The following C22orf23 variants were observed in gnomAD, a reference collection of about 807,000 sequenced individuals.
C22orf23 encodes the protein UPF0193 protein EVG1.
In C22orf23, 30 loss-of-function variants were observed where a neutral mutation model predicts 29.7. That is an observed-to-expected ratio of 1.01 (90% CI 0.76 to 1.37). The LOEUF (loss-of-function observed/expected upper bound fraction) is 1.37. Ranked by LOEUF, C22orf23 falls within the 40% of genes most tolerant of loss-of-function variation. The probability of loss-of-function intolerance (pLI) is 0.00; values close to 1 mark genes in which losing one functional copy is unlikely to be tolerated. For missense variants in C22orf23, 237 were observed against 273.1 expected (o/e 0.87, Z 0.93); for synonymous variants, 90 against 96.1 (o/e 0.94, Z 0.37).
chr22:37,945,055 G>T lies in C22orf23; in HGVS notation c.468C>A (p.Asp156Glu). Residue 156 changes from aspartate to glutamate, a missense_variant, in exon 5 of 7, where the codon GAC (aspartate) becomes GAA (glutamate). Asp to Glu is a conservative substitution (Grantham distance 45, BLOSUM62 2). Transcript: ENST00000403305. ...ARQKAPAPEL[D>E]RFEELVKEIQ... is the part of the protein sequence containing the mutation. ...TCGGAGTCTTACGCTCTTCAAATCG[G>T]TCTAGCTCAGGGGCTGGAGCCTTCT... 6.2e-7 allele frequency: 1 copy of T among 1,610,312 alleles called. No individual in the cohort carries two copies. Among genetic ancestry groups the T allele is most frequent in the Non-Finnish European group, 8.5e-7 (1 of 1,178,722 alleles).
In C22orf23 at chr22:37,951,797, CTTTTTTTTTTTTTTTTTT is replaced by C. The variant is rs551481283; in HGVS notation, c.104-293_104-276del. On this transcript the variant is annotated intron_variant, in intron 2 of 6. Transcript: ENST00000403305. ...CTGTTAAATATTTTTTCCTCTTTCT[CTTTTTTTTTTTTTTTTTT>C]TTTTTTTTTTTTTTTTTGAGATGGA... is the stretch of plus-strand genomic sequence containing the variant. 3.1e-3 allele frequency: 121 copies of C among 38,776 alleles called. 2 individuals carry two copies. Among genetic ancestry groups the C allele is most frequent in the South Asian group, 9.5e-3 (8 of 846 alleles). 2.4% of individuals were successfully genotyped at this position (38,776 alleles called of 1,614,324 possible).
Position 37,947,460 on chromosome 22 carries a change from C to G in C22orf23, c.170G>C (p.Gly57Ala). Residue 57 changes from glycine (G) to alanine (A), a missense_variant, in exon 4 of 7, where the codon GGA (glycine) becomes GCA (alanine). Physicochemically the swap from Gly to Ala is moderately conservative, Grantham distance 60 (BLOSUM62 0). Coordinates refer to ENST00000403305, the MANE Select transcript of C22orf23 (RefSeq NM_032561.5). ...QRHIMDIMKR[G>A]DALPLQCSPT... Reference sequence around the variant, plus strand: ...GCTGCACTGTAGGGGCAAAGCATCTCCTCCTGGGGAACGAAGAGTTGGGGT... The same window carrying G: ...GCTGCACTGTAGGGGCAAAGCATCTGCTCCTGGGGAACGAAGAGTTGGGGT... 6.5e-7 allele frequency: 1 copy of G among 1,546,814 alleles called. No individual in the cohort carries two copies. Among genetic ancestry groups the G allele is most frequent in the African/African-American group, 1.4e-5 (1 of 70,494 alleles).
chr22:37,947,168 G>A (rs1930745141), intron 4 of C22orf23, 113 bp downstream of exon 4: 4 of 1,120,410 alleles, frequency 3.6e-6, no homozygotes, highest in Non-Finnish European at 5.3e-6. Context: ...GGTACAAAGT[G>A]CATGGGGATT....
rs893933386 is a variant in C22orf23, at chr22:37,944,043, G to A, written c.*132C>T. ...GCTGAGTATGCCTTGGGGTACTGCA[G>A]GGCAGTGCTATGCCACCACCTGACG... On this transcript the variant is annotated 3_prime_UTR_variant, in exon 7 of 7. Coordinates refer to ENST00000403305, the MANE Select transcript of C22orf23 (RefSeq NM_032561.5). The A allele has an allele frequency of 2.2e-5, 18 of 823,604 alleles. No homozygotes were observed. The African/African-American group carries it at 3.0e-4, about 14-fold the overall frequency. The allele number at this position is 823,604 out of a possible 1,614,324, so 51.0% of individuals were successfully genotyped here.
chr22:37,944,620 G>A (rs1930582603), intron 5 of C22orf23, 103 bp from the exon 6 acceptor site: 4 of 1,040,752 alleles, frequency 3.8e-6, no homozygotes, highest in Non-Finnish European at 5.7e-6. Context: ...GTGTTTCTAG[G>A]CCGGGCGCGG....
Position 37,944,240 on chromosome 22 carries a change from G to C in C22orf23, c.589C>G (p.Arg197Gly), listed in dbSNP as rs771311730. The C allele has an allele frequency of 6.2e-7, 1 of 1,614,086 alleles. No individual in the cohort carries two copies. The highest frequency in any genetic ancestry group is 8.5e-7 in the Non-Finnish European group (1 of 1,180,030). The stretch of plus-strand genomic sequence containing the variant: ...CTGTGGTCAATGTCTTCCATTTCCC[G>C]GAGTTTCTGCAAAGGGCATCAGGGA... ...IILAEISQKL[R>G]EMEDIDHRRS... The change falls in exon 7 of 7, where the codon CGG becomes GGG. Residue 197 changes from arginine to glycine, a missense_variant. Physicochemically the swap from Arg to Gly is moderately radical, Grantham distance 125. Coordinates refer to ENST00000403305, the MANE Select transcript of C22orf23 (RefSeq NM_032561.5).
chr22:37,945,002 T>C (rs1213441583), intron 5 of C22orf23, 40 bp downstream of exon 5: 17 of 1,551,348 alleles, frequency 1.1e-5, no homozygotes, highest in Non-Finnish European at 1.2e-5. Flanking sequence ...CTCCTCACAT[T>C]ACCCCCACCC....
chr22:37,950,162 GAGTGC>G (rs1043043320), intron 3 of C22orf23, among the ~76,000 whole-genome samples: 17 of 151,818 alleles, frequency 1.1e-4, no homozygotes, highest in Non-Finnish European at 2.1e-4. Flanking sequence ...ACCCACACTG[GAGTGC>G]AGTGGTATGG....
chr22:37,951,768 C>A (rs1252553882), intron 2 of C22orf23: 7 of 257,300 alleles, frequency 2.7e-5, no homozygotes, highest in Non-Finnish European at 4.2e-5. Context: ...AAAATTTCTG[C>A]CCTCTGTTAA....
intron 5 of C22orf23, 109 bp from the exon 6 acceptor site, chr22:37,944,626 C>T (rs753561557): frequency 9.6e-5 from 93 of 968,790 alleles, no homozygotes; most frequent in Non-Finnish European, 1.3e-4. Context: ...CTAGGCCGGG[C>T]GCGGTGGCTC....
intron 4 of C22orf23, among the ~76,000 whole-genome samples, chr22:37,946,152 G>C (rs1398698776): frequency 2.6e-5 from 4 of 152,006 alleles, no homozygotes; most frequent in Admixed American, 6.6e-5. Context: ...CCAGCTACTC[G>C]GGAGGCTGAG....
At chr22:37,951,284 G>A in intron 3 of C22orf23, 176 bp downstream of exon 3, 1 of 586,434 alleles carries the variant, frequency 1.7e-6, no homozygotes, top group Non-Finnish European at 3.0e-6. Context: ...TTGAACTCCT[G>A]GGCTTAAGCC....
intron 3 of C22orf23, chr22:37,951,211 CAAA>C (rs560649721): frequency 8.1e-5 from 25 of 307,796 alleles, no homozygotes; most frequent in East Asian, 1.8e-4. Context: ...GACTCTGTCT[CAAA>C]AAAAAAAAAG....
At chr22:37,947,180 G>T in intron 4 of C22orf23, 101 bp downstream of exon 4, 1 of 1,267,870 alleles carries the variant, frequency 7.9e-7, no homozygotes, top group Non-Finnish European at 1.1e-6. Flanking sequence ...ATGGGGATTT[G>T]ATTAGCTACC....
In C22orf23 at chr22:37,944,008, G is replaced by C. The variant is rs1930541512; in HGVS notation, c.*167C>G. ...AGGCTCCATCTGCATTCCGGGGCAG[G>C]GGCTAGGCTGCTGAGTATGCCTTGG... On this transcript the variant is annotated 3_prime_UTR_variant, in exon 7 of 7. Transcript: ENST00000403305. The C allele has an allele frequency of 4.5e-6, 3 of 670,054 alleles. No homozygotes were observed. The highest frequency in any genetic ancestry group is 8.0e-6 in the Non-Finnish European group (3 of 373,482). The allele number at this position is 670,054 out of a possible 1,614,324, so 41.5% of individuals were successfully genotyped here. A position where few individuals can be genotyped will look rare whatever the true frequency, so the allele number is the denominator to read the frequency against.
intron 4 of C22orf23, among the ~76,000 whole-genome samples, chr22:37,946,607 C>T (rs757927680): frequency 2.0e-5 from 3 of 147,278 alleles, no homozygotes; most frequent in East Asian, 2.0e-4. Flanking sequence ...AGGCCGGGAG[C>T]GGTCGTTTGT....
At chr22:37,952,994 G>T in intron 2 of C22orf23, 53 bp downstream of exon 2, 1 of 1,373,344 alleles carries the variant, frequency 7.3e-7, no homozygotes. Context: ...TGTCTTCCAC[G>T]AAACCGGTCC....
intron 3 of C22orf23, among the ~76,000 whole-genome samples, chr22:37,947,730 C>A (rs1230940323): frequency 6.6e-6 from 1 of 151,240 alleles, no homozygotes; most frequent in Non-Finnish European, 1.5e-5. Flanking sequence ...GTCTTGGACT[C>A]CTGACCTCAA....
At chr22:37,948,561 C>G (rs1930837274) in intron 3 of C22orf23, among the ~76,000 whole-genome samples, 1 of 152,092 alleles carries the variant, frequency 6.6e-6, no homozygotes, top group Non-Finnish European at 1.5e-5. Context: ...GTGGAGGTTG[C>G]AGTGAGCTGA....
Sources: allele counts gnomAD v4.1 joint callset (sites outside exome capture counted in the v4.1 genomes callset), GRCh38; gene constraint gnomAD v4.1.1; transcripts MANE v1.5; gene names NCBI Gene and HGNC (gene_info 2026-07-23, HGNC 2026-07-21).